Variants in ATL1 observed in about 807,000 individuals in gnomAD.
ATL1 encodes the protein atlastin GTPase 1, also known as atlastin-1.
ATL1 carries 31 observed loss-of-function variants against 75.5 expected under a neutral mutation model. The ratio of observed to expected loss-of-function variants is 0.41; its 90% CI spans 0.31 to 0.55. The LOEUF (loss-of-function observed/expected upper bound fraction) is 0.55. Ranked by LOEUF, ATL1 falls within the 20% of genes least tolerant of loss-of-function variation. The pLI is 0.27. For missense variants in ATL1, 405 were observed against 662.6 expected (o/e 0.61, Z 4.27); for synonymous variants, 226 against 233.3 (o/e 0.97, Z 0.28).
At chr14:50,583,387 C>T (rs2039074530) in intron 1 of ATL1, among the ~76,000 whole-genome samples, 1 of 152,106 alleles carries the variant, frequency 6.6e-6, no homozygotes, top group Non-Finnish European at 1.5e-5. Flanking sequence ...CAATATGAGA[C>T]CAATGCATTA....
chr14:50,607,913 G>A (rs2039330155), intron 6 of ATL1, among the ~76,000 whole-genome samples: 1 of 151,932 alleles, frequency 6.6e-6, no homozygotes, highest in Middle Eastern at 3.2e-3. Context: ...CAATTGTTGA[G>A]CATTTGGATT....
chr14:50,585,155 A>G (rs1254847544), intron 1 of ATL1, among the ~76,000 whole-genome samples: 1 of 152,242 alleles, frequency 6.6e-6, no homozygotes, highest in Non-Finnish European at 1.5e-5. Flanking sequence ...AAGGATATGG[A>G]TCAATAGGAT....
intron 1 of ATL1, among the ~76,000 whole-genome samples, chr14:50,570,037 A>T (rs1243715084): frequency 2.6e-5 from 4 of 152,056 alleles, no homozygotes; most frequent in Non-Finnish European, 5.9e-5. Context: ...GGTCTCTTTG[A>T]GTTCATCCTA....
chr14:50,550,020 C>T (rs149920938), intron 1 of ATL1, among the ~76,000 whole-genome samples: 192 of 152,314 alleles, frequency 1.3e-3, no homozygotes, highest in African/African-American at 4.4e-3. Context: ...TGCCAAGTGG[C>T]GATGGCTACA....
At chr14:50,537,162 G>T (rs1193909021) in intron 1 of ATL1, among the ~76,000 whole-genome samples, 2 of 152,182 alleles carry the variant, frequency 1.3e-5, no homozygotes, top group African/African-American at 4.8e-5. Flanking sequence ...TAGAGACTTG[G>T]TGCCCTGCTT....
chr14:50,588,594 A>G (rs2039124177), intron 2 of ATL1, among the ~76,000 whole-genome samples: 1 of 152,158 alleles, frequency 6.6e-6, no homozygotes, highest in Non-Finnish European at 1.5e-5. Flanking sequence ...GATGCATTTG[A>G]AAATAAATTG....
At chr14:50,588,985 G>T (rs2039128238) in intron 2 of ATL1, among the ~76,000 whole-genome samples, 1 of 151,994 alleles carries the variant, frequency 6.6e-6, no homozygotes, top group Admixed American at 6.6e-5. Context: ...CCTGCTAAAT[G>T]TTCTAGATTG....
intron 6 of ATL1, among the ~76,000 whole-genome samples, chr14:50,605,528 C>T (rs1358381050): frequency 6.6e-6 from 1 of 151,860 alleles, no homozygotes; most frequent in African/African-American, 2.4e-5. Flanking sequence ...TTCCTGAAGT[C>T]AATTTTTAAA....
chr14:50,602,023 G>A (rs993909619), intron 6 of ATL1, among the ~76,000 whole-genome samples: 3 of 152,078 alleles, frequency 2.0e-5, no homozygotes, highest in Admixed American at 6.6e-5. Context: ...GCCACACCTG[G>A]CCCCACATTG....
chr14:50,545,221 T>C (rs1430028442), intron 1 of ATL1, among the ~76,000 whole-genome samples: 1 of 152,248 alleles, frequency 6.6e-6, no homozygotes, highest in African/African-American at 2.4e-5. Flanking sequence ...TCTAGAGCTG[T>C]CCTGCTGCTG....
At chr14:50,608,936 C>G (rs149160365) in intron 6 of ATL1, among the ~76,000 whole-genome samples, 1 of 151,972 alleles carries the variant, frequency 6.6e-6, no homozygotes. Context: ...ATTTTTAATT[C>G]TTTTCTCTAC....
chr14:50,542,145 A>G (rs1003554323), intron 1 of ATL1, among the ~76,000 whole-genome samples: 2 of 151,460 alleles, frequency 1.3e-5, no homozygotes, highest in African/African-American at 4.9e-5. Context: ...TGACCACAGG[A>G]TACTAAGTAA....
rs2140238970 is a variant in ATL1, at chr14:50,628,048, A to G, written c.1137A>G (p.Lys379=). 1.9e-6 allele frequency: 3 copies of G among 1,614,172 alleles called. No homozygotes were observed. Among genetic ancestry groups the G allele is most frequent in the Non-Finnish European group, 2.5e-6 (3 of 1,180,020 alleles). ...TGATACAGATTTGTGGTGGTGACAA[A>G]CCATTTCTGGCCCCAAATGACTTGC... is the stretch of plus-strand genomic sequence containing the variant. ...KKMEEICGGD[K]PFLAPNDLQT... Residue 379 remains lysine, a synonymous_variant, in exon 12 of 14, where the codon AAA becomes AAG. Transcript: ENST00000358385.
intron 13 of ATL1, chr14:50,630,786 C>A: frequency 9.5e-6 from 3 of 316,710 alleles, no homozygotes; most frequent in Non-Finnish European, 1.9e-5. Context: ...ATTCAGTAAG[C>A]AAGTTCATTA....
At chr14:50,617,279 A>C (rs1566731945) in intron 8 of ATL1, among the ~76,000 whole-genome samples, 1 of 152,258 alleles carries the variant, frequency 6.6e-6, no homozygotes, top group Non-Finnish European at 1.5e-5. Context: ...AATCACATTC[A>C]TTTATGCTTC....
At chr14:50,614,970 C>A (rs2039401182) in intron 8 of ATL1, among the ~76,000 whole-genome samples, 1 of 152,188 alleles carries the variant, frequency 6.6e-6, no homozygotes, top group South Asian at 2.1e-4. Context: ...AAAATGAAAT[C>A]TTGTGTGGAA....
chr14:50,599,063 C>T (rs914435170), intron 6 of ATL1, among the ~76,000 whole-genome samples: 2 of 150,152 alleles, frequency 1.3e-5, no homozygotes, highest in African/African-American at 4.9e-5. Context: ...CTAAAATAAA[C>T]CATGTAGTAA....
rs766461592 is a variant in ATL1, at chr14:50,587,871, G to T, written c.75G>T (p.Glu25Asp). 6.2e-7 allele frequency: 1 copy of T among 1,614,160 alleles called. No individual in the cohort carries two copies. The highest frequency in any genetic ancestry group is 8.5e-7 in the Non-Finnish European group (1 of 1,180,022). Residue 25 changes from glutamate (E) to aspartate (D), a missense_variant, in exon 2 of 14, where the codon GAG becomes GAT. By Grantham distance (45) the Glu-to-Asp change is conservative. This residue lies in a region of ATL1 where 126 missense variants were observed against 172.0 expected (regional missense o/e 0.73). Coordinates refer to ENST00000358385, the MANE Select transcript of ATL1 (RefSeq NM_015915.5). ...AGACATATGAATGGAGCTCAGAAGAGGAGGAGCCAGTGAAAAAGGCAGGAC... is the reference window on the plus strand; with the variant it reads ...AGACATATGAATGGAGCTCAGAAGATGAGGAGCCAGTGAAAAAGGCAGGAC... ...SEKTYEWSSEEEEPVKKAGPV... is the reference protein window; with the variant it reads ...SEKTYEWSSEDEEPVKKAGPV...
Position 50,590,925 on chromosome 14 carries a change from C to G in ATL1, c.283-16C>G, listed in dbSNP as rs764697428. 1 of 1,612,684 alleles carries G rather than the reference C, an allele frequency of 6.2e-7. No homozygotes were observed. Among genetic ancestry groups the G allele is most frequent in the Non-Finnish European group, 8.5e-7 (1 of 1,179,098 alleles). On this transcript the variant is annotated splice_polypyrimidine_tract_variant and intron_variant, in intron 2 of 13. Coordinates refer to ENST00000358385, the MANE Select transcript of ATL1 (RefSeq NM_015915.5). Reference sequence around the variant, plus strand: ...CACATATCAAGTTCCATATCATAGACTTTATCATTTTATAGGAATCAGTTG... The same window carrying G: ...CACATATCAAGTTCCATATCATAGAGTTTATCATTTTATAGGAATCAGTTG...
Sources: gnomAD v4.1 joint callset for allele counts (sites outside exome capture counted in the v4.1 genomes callset) on GRCh38, gnomAD v4.1.1 for gene constraint, gnomAD v4.1.1 regional missense constraint, MANE v1.5 for transcripts, NCBI Gene and HGNC (gene_info 2026-07-23, HGNC 2026-07-21) for gene names.